Variants in HKDC1 observed in about 807,000 individuals in gnomAD.
HKDC1 encodes hexokinase HKDC1.
HKDC1 carries 66 observed loss-of-function variants against 96.6 expected under a neutral mutation model. That is an observed-to-expected ratio of 0.68 (90% CI 0.56 to 0.84). HKDC1 has a LOEUF of 0.84. Among genes scored for constraint, HKDC1 ranks in the 40% least tolerant of loss-of-function variants. The probability of loss-of-function intolerance (pLI) is 0.00; values close to 1 mark genes in which losing one functional copy is unlikely to be tolerated. For synonymous variants in HKDC1, 466 were observed against 473.1 expected (o/e 0.98, Z 0.20); for missense variants, 1,211 against 1,208.1 (o/e 1.00, Z -0.04).
intron 4 of HKDC1, among the ~76,000 whole-genome samples, chr10:69,235,025 G>A (rs920145161): frequency 4.6e-5 from 7 of 152,250 alleles, no homozygotes; most frequent in Non-Finnish European, 1.0e-4. Flanking sequence ...CACCCTGGGA[G>A]GCTGAGGCGG....
intron 4 of HKDC1, among the ~76,000 whole-genome samples, chr10:69,236,038 C>T (rs2132344102): frequency 6.6e-6 from 1 of 152,232 alleles, no homozygotes; most frequent in South Asian, 2.1e-4. Context: ...AGTTCATAAG[C>T]TCCCCAACTA....
chr10:69,227,901 G>A (rs1843187398), intron 2 of HKDC1, among the ~76,000 whole-genome samples: 1 of 152,168 alleles, frequency 6.6e-6, no homozygotes, highest in Non-Finnish European at 1.5e-5. Context: ...ACAAACCTGG[G>A]TCTGAGGCCC....
chr10:69,238,988 G>A (rs1157389556), intron 4 of HKDC1, 54 bp from the exon 5 acceptor site: 4 of 1,330,668 alleles, frequency 3.0e-6, no homozygotes, highest in Admixed American at 1.8e-5. Flanking sequence ...CTGCGGCTCA[G>A]TTGCACATCT....
In HKDC1 at chr10:69,267,426, T is replaced by G. The variant is rs1006134488; in HGVS notation, c.*669T>G. The G allele has an allele frequency of 3.3e-5, 15 of 450,118 alleles. No individual in the cohort carries two copies. In the East Asian group the frequency reaches 1.0e-3, roughly 31 times the overall value. 27.9% of individuals were successfully genotyped at this position (450,118 alleles called of 1,614,324 possible). A position where few individuals can be genotyped will look rare whatever the true frequency, so the allele number is the denominator to read the frequency against. The stretch of plus-strand genomic sequence containing the variant: ...ATTAAGTGTGTGCCATGTGGTGGGG[T>G]GCTGTCTGGGGCATCTGTTTTTCAT... On this transcript the variant is annotated 3_prime_UTR_variant, in exon 18 of 18. Transcript: ENST00000354624.
chr10:69,245,042 C>T (rs1251432553), intron 7 of HKDC1, among the ~76,000 whole-genome samples: 1 of 152,064 alleles, frequency 6.6e-6, no homozygotes, highest in African/African-American at 2.4e-5. Context: ...GCTGGGATTA[C>T]AGGCATGCGC....
intron 16 of HKDC1, chr10:69,262,067 A>C (rs1179265845): frequency 2.3e-6 from 1 of 431,804 alleles, no homozygotes; most frequent in Non-Finnish European, 4.6e-6. Context: ...GGATGTTATC[A>C]GTCATTGATG....
intron 15 of HKDC1, among the ~76,000 whole-genome samples, chr10:69,260,156 G>A (rs1275468048): frequency 6.6e-6 from 1 of 152,174 alleles, no homozygotes; most frequent in Non-Finnish European, 1.5e-5. Context: ...TGAGCAGATG[G>A]GAAATGTGAG....
rs1473010931 is a variant in HKDC1 at position 69,238,400 on chromosome 10, C to G, written c.496-642C>G. 8.5e-5 allele frequency among the ~76,000 whole-genome samples: 2 copies of G among 23,584 alleles called. 1 individual carries two copies. The highest frequency in any genetic ancestry group is 1.9e-3 in the South Asian group (2 of 1,068). The allele number at this position is 23,584 out of a possible 152,430, so 15.5% of individuals were successfully genotyped here. A position where few individuals can be genotyped will look rare whatever the true frequency, so the allele number is the denominator to read the frequency against. On this transcript the variant is annotated intron_variant, in intron 4 of 17. Transcript: ENST00000354624. ...TTTTTTTTTTTTTGAGACGGAGTCT[C>G]GCTCTGTCGCCCAGGCCGGACTGCG...
chr10:69,238,845 T>A (rs1470727263), intron 4 of HKDC1, among the ~76,000 whole-genome samples, 197 bp from the exon 5 acceptor site: 1 of 152,174 alleles, frequency 6.6e-6, no homozygotes, highest in Non-Finnish European at 1.5e-5. Flanking sequence ...ACCATATATT[T>A]CAAACCACTC....
chr10:69,240,505 G>A, intron 5 of HKDC1, 147 bp from the exon 6 acceptor site: 2 of 597,070 alleles, frequency 3.3e-6, no homozygotes, highest in Non-Finnish European at 6.0e-6. Flanking sequence ...GAACCTTGAT[G>A]AGGCCTTGCT....
chr10:69,234,165 T>C (rs1360079628), intron 4 of HKDC1, among the ~76,000 whole-genome samples: 1 of 152,194 alleles, frequency 6.6e-6, no homozygotes, highest in Non-Finnish European at 1.5e-5. Context: ...CCTGTCTGGG[T>C]TGGGGACCCT....
In HKDC1 at chr10:69,243,280, T is replaced by C. The variant is rs769249790; in HGVS notation, c.790T>C (p.Phe264Leu). Residue 264 changes from phenylalanine to leucine, a missense_variant, in exon 7 of 18, where the codon TTC (phenylalanine) becomes CTC (leucine). Coordinates refer to ENST00000354624, the MANE Select transcript of HKDC1 (RefSeq NM_025130.4). The part of the protein sequence containing the change: ...RMCINTEWGA[F>L]GDDGALEDIR... Reference sequence around the variant, plus strand: ...GTGCATCAACACAGAGTGGGGGGCCTTCGGGGACGACGGGGCCCTGGAGGA... The same window carrying C: ...GTGCATCAACACAGAGTGGGGGGCCCTCGGGGACGACGGGGCCCTGGAGGA... 3 of 1,613,790 alleles carry C rather than the reference T, an allele frequency of 1.9e-6. No homozygotes were observed. The highest frequency in any genetic ancestry group is 1.3e-5 in the African/African-American group (1 of 74,904).
At chr10:69,220,563 TAA>T in intron 1 of HKDC1, 65 bp downstream of exon 1, 9 of 1,083,246 alleles carry the variant, frequency 8.3e-6, no homozygotes, top group South Asian at 7.2e-5. Context: ...CTGATTCCCT[TAA>T]AAAAAAAATC....
intron 10 of HKDC1, among the ~76,000 whole-genome samples, chr10:69,249,701 G>A (rs1255941930): frequency 2.6e-5 from 4 of 152,138 alleles, no homozygotes; most frequent in Admixed American, 1.3e-4. Flanking sequence ...GGGTTTCACT[G>A]TGTTAGCCAG....
At chr10:69,229,664 G>C (rs1417742240) in intron 2 of HKDC1, among the ~76,000 whole-genome samples, 3 of 152,172 alleles carry the variant, frequency 2.0e-5, no homozygotes, top group Non-Finnish European at 4.4e-5. Flanking sequence ...CCTGGCCCTG[G>C]CTGCTTCTGA....
rs550707062 is a variant in HKDC1, at chr10:69,266,642, A to G, written c.2639A>G (p.Glu880Gly). The part of the protein sequence containing the change: ...FSRILQETVK[E>G]LAPRCDVTFM... ...AGAATATTGCAGGAAACTGTGAAGG[A>G]ACTAGCCCCTCGATGTGATGTGACA... Residue 880 changes from glutamate (E) to glycine (G), a missense_variant, in exon 18 of 18, where the codon GAA (glutamate) becomes GGA (glycine). Coordinates refer to ENST00000354624, the MANE Select transcript of HKDC1 (RefSeq NM_025130.4). 3 of 1,614,154 alleles carry G rather than the reference A, an allele frequency of 1.9e-6. No individual in the cohort carries two copies. Among genetic ancestry groups the G allele is most frequent in the Non-Finnish European group, 2.5e-6 (3 of 1,180,010 alleles).
At chr10:69,246,313 C>A in intron 8 of HKDC1, 79 bp downstream of exon 8, 2 of 1,488,592 alleles carry the variant, frequency 1.3e-6, no homozygotes, top group Non-Finnish European at 1.9e-6. Flanking sequence ...TGTGGTAGGA[C>A]AGCAGGAGGG....
chr10:69,245,859 G>A (rs931650044), intron 7 of HKDC1, among the ~76,000 whole-genome samples: 2 of 152,198 alleles, frequency 1.3e-5, no homozygotes, highest in Admixed American at 1.3e-4. Flanking sequence ...CCCAAAGTCT[G>A]TGAAATTGAG....
chr10:69,232,736 A>G (rs1317514816), intron 2 of HKDC1, 28 bp from the exon 3 acceptor site: 1 of 1,611,282 alleles, frequency 6.2e-7, no homozygotes, highest in South Asian at 1.1e-5. Context: ...ACCCTCAATA[A>G]ATGGAAACTG....
Sources: gnomAD v4.1 joint callset for allele counts (sites outside exome capture counted in the v4.1 genomes callset) on GRCh38, gnomAD v4.1.1 for gene constraint, MANE v1.5 for transcripts, NCBI Gene and HGNC (gene_info 2026-07-23, HGNC 2026-07-21) for gene names.